The following PLRG1 variants were observed in gnomAD, a reference collection of about 807,000 sequenced individuals.
PLRG1 encodes pleiotropic regulator 1 (PRL1 homolog, Arabidopsis).
PLRG1 carries 28 observed loss-of-function variants against 74.9 expected under a neutral mutation model. The observed-to-expected ratio is 0.37, with a 90% CI of 0.28 to 0.51. The LOEUF (loss-of-function observed/expected upper bound fraction) is 0.51, where lower values mean the gene tolerates loss of function less well. Among genes scored for constraint, PLRG1 ranks in the 20% least tolerant of loss-of-function variants. PLRG1 has a pLI of 0.91. For synonymous variants in PLRG1, 197 were observed against 212.4 expected, an observed-to-expected ratio of 0.93 and a Z score of 0.63; for missense variants, 445 against 631.9, an observed-to-expected ratio of 0.70 and a Z score of 3.17.
chr4:154,542,369 A>G (rs1729570061), intron 7 of PLRG1, 90 bp from the exon 8 acceptor site: 2 of 725,046 alleles, frequency 2.8e-6, no homozygotes, highest in Non-Finnish European at 5.1e-6. Context: ...TTGCCCTCCC[A>G]TCTTCAAATC....
At chr4:154,549,548 G>A (rs1729720581) in intron 1 of PLRG1, 35 of 390,786 alleles carry the variant, frequency 9.0e-5, no homozygotes, top group South Asian at 6.7e-4. Context: ...TAGCTGCAAG[G>A]GTAGACAAGG....
intron 4 of PLRG1, 164 bp downstream of exon 4, chr4:154,546,847 T>A: frequency 1.6e-6 from 1 of 612,842 alleles, no homozygotes; most frequent in South Asian, 2.1e-5. Context: ...GTTTGCTGAA[T>A]GAAGGCATAT....
At chr4:154,537,932 C>A (rs557656265) in intron 13 of PLRG1, 37 bp downstream of exon 13, 2 of 1,196,170 alleles carry the variant, frequency 1.7e-6, no homozygotes, top group African/African-American at 1.5e-5. Context: ...GAAAAAATAA[C>A]AGACTAAACA....
chr4:154,536,825 G>A (rs1729461586), intron 14 of PLRG1, 81 bp from the exon 15 acceptor site: 1 of 752,972 alleles, frequency 1.3e-6, no homozygotes, highest in African/African-American at 1.8e-5. Flanking sequence ...ACAAAAATAA[G>A]GTATCTAACA....
chr4:154,548,536 A>G (rs1729699463), intron 2 of PLRG1, among the ~76,000 whole-genome samples: 2 of 152,308 alleles, frequency 1.3e-5, no homozygotes, highest in East Asian at 3.9e-4. Flanking sequence ...CAAGGCTCTG[A>G]GAGCAGCGGG....
Position 154,536,359 on chromosome 4 carries a change from C to T in PLRG1, c.*326G>A, listed in dbSNP as rs115646453. The T allele has an allele frequency of 2.0e-3, 370 of 180,784 alleles. 3 individuals carry two copies. Among genetic ancestry groups the T allele is most frequent in the African/African-American group, 8.3e-3 (354 of 42,640 alleles). The allele number at this position is 180,784 out of a possible 1,614,324, so 11.2% of individuals were successfully genotyped here. A position where few individuals can be genotyped will look rare whatever the true frequency, so the allele number is the denominator to read the frequency against. On this transcript the variant is annotated 3_prime_UTR_variant, in exon 15 of 15. Coordinates refer to ENST00000499023, the MANE Select transcript of PLRG1 (RefSeq NM_002669.4). Reference sequence around the variant, plus strand: ...CTGCTCCTTCAAATGTCCTAATTATCGGTTTCATACATTTTTTTTAAAAAA... The same window carrying T: ...CTGCTCCTTCAAATGTCCTAATTATTGGTTTCATACATTTTTTTTAAAAAA...
chr4:154,550,237 G>C, intron 1 of PLRG1, 63 bp downstream of exon 1: 1 of 1,420,088 alleles, frequency 7.0e-7, no homozygotes, highest in Non-Finnish European at 1.0e-6. Flanking sequence ...AATCCCCCAC[G>C]CGCACTGCCA....
Position 154,538,059 on chromosome 4 carries a change from G to T in PLRG1, c.1201C>A (p.Pro401Thr). The change falls in exon 13 of 15, where the codon CCT becomes ACT. Residue 401 changes from proline to threonine, a missense_variant. This residue lies in a region of PLRG1 where 221 missense variants were observed against 377.7 expected (regional missense o/e 0.59). Coordinates refer to ENST00000499023, the MANE Select transcript of PLRG1 (RefSeq NM_002669.4). ...SPDNIKQWKF[P>T]DGSFIQNLSG... Reference sequence around the variant, plus strand: ...AGATTTTGAATGAAACTTCCATCAGGGAATTTCCACTGCTTTATGTTATCT... The same window carrying T: ...AGATTTTGAATGAAACTTCCATCAGTGAATTTCCACTGCTTTATGTTATCT... 1 of 1,529,410 alleles carries T rather than the reference G, an allele frequency of 6.5e-7. No individual in the cohort carries two copies. Among genetic ancestry groups the T allele is most frequent in the South Asian group, 1.2e-5 (1 of 81,452 alleles). The allele number at this position is 1,529,410 out of a possible 1,614,324, so 94.7% of individuals were successfully genotyped here. A position where few individuals can be genotyped will look rare whatever the true frequency, so the allele number is the denominator to read the frequency against.
intron 3 of PLRG1, 72 bp from the exon 4 acceptor site, chr4:154,547,136 T>C (rs1729673131): frequency 9.3e-7 from 1 of 1,070,512 alleles, no homozygotes. Flanking sequence ...TTTAAATGTA[T>C]CAAGTAATAT....
chr4:154,540,766 T>C lies in PLRG1; in HGVS notation c.837+19A>G, dbSNP rs1478058373. On this transcript the variant is annotated intron_variant, in intron 9 of 14. Coordinates refer to ENST00000499023, the MANE Select transcript of PLRG1 (RefSeq NM_002669.4). ...AAATAGTAGTTCACAATGTTTTAAA[T>C]CCTTAACTCCAAACTTACCTTATTG... 1.9e-6 allele frequency: 3 copies of C among 1,612,204 alleles called. No individual in the cohort carries two copies. Among genetic ancestry groups the C allele is most frequent in the African/African-American group, 1.3e-5 (1 of 74,834 alleles).
chr4:154,539,892 G>C, intron 11 of PLRG1, 59 bp downstream of exon 11: 1 of 835,396 alleles, frequency 1.2e-6, no homozygotes, highest in African/African-American at 1.7e-5. Flanking sequence ...AAAAGTATAT[G>C]TATAATAACA....
At position 154,535,284 on chromosome 4, in the gene PLRG1, G is replaced by T. The variant is rs1729425611; in HGVS notation, c.*1401C>A. 6.6e-6 allele frequency: 1 copy of T among 151,574 alleles called. No homozygotes were observed. The highest frequency in any genetic ancestry group is 2.4e-5 in the African/African-American group (1 of 41,214). 9.4% of individuals were successfully genotyped at this position (151,574 alleles called of 1,614,324 possible). ...ATACTTAGAAACAAATTGCATAAAG[G>T]TACCATCTATTAAACCAGTCCCTTA... On this transcript the variant is annotated 3_prime_UTR_variant, in exon 15 of 15. Transcript: ENST00000499023.
intron 7 of PLRG1, 27 bp downstream of exon 7, chr4:154,544,418 T>C (rs574936909): frequency 8.2e-7 from 1 of 1,215,996 alleles, no homozygotes. Flanking sequence ...ATGGTTCACA[T>C]AATAAAATAA....
chr4:154,544,167 T>C (rs575701581), intron 7 of PLRG1: 17 of 232,182 alleles, frequency 7.3e-5, no homozygotes, highest in African/African-American at 3.2e-4. Context: ...ACTAAATACT[T>C]TGAACACTTT....
chr4:154,550,359 C>T lies in PLRG1; in HGVS notation c.-51G>A, dbSNP rs745760193. On this transcript the variant is annotated 5_prime_UTR_variant, in exon 1 of 15. Transcript: ENST00000499023. ...GCAGGGAAGAAACTCTAATCACTAA[C>T]GCAGTACCCGCCGCCACAGCTGTGC... is the stretch of plus-strand genomic sequence containing the variant. The T allele has an allele frequency of 1.9e-6, 3 of 1,568,006 alleles. No individual in the cohort carries two copies. The highest frequency in any genetic ancestry group is 2.2e-5 in the East Asian group (1 of 44,682).
At chr4:154,549,251 C>T (rs774434794) in intron 1 of PLRG1, 52 of 374,994 alleles carry the variant, frequency 1.4e-4, no homozygotes, top group Non-Finnish European at 2.4e-4. Flanking sequence ...TGGTCATGGT[C>T]CCTGTGCTCA....
intron 7 of PLRG1, 105 bp downstream of exon 7, chr4:154,544,340 C>A: frequency 1.4e-6 from 1 of 711,516 alleles, no homozygotes; most frequent in South Asian, 1.7e-5. Context: ...ATCGCTCTAC[C>A]AGCTTTTCAT....
intron 1 of PLRG1, among the ~76,000 whole-genome samples, chr4:154,549,504 T>C (rs577709896): frequency 6.6e-6 from 1 of 152,328 alleles, no homozygotes; most frequent in South Asian, 2.1e-4. Context: ...AGGAGCGCAG[T>C]ACAGCTGTGT....
chr4:154,541,735 A>G (rs929640985), intron 8 of PLRG1, among the ~76,000 whole-genome samples: 3 of 152,190 alleles, frequency 2.0e-5, no homozygotes, highest in African/African-American at 7.2e-5. Flanking sequence ...ACATACTAAG[A>G]ATGATTTTTT....
Sources: gnomAD v4.1 joint callset for allele counts (sites outside exome capture counted in the v4.1 genomes callset) on GRCh38, gnomAD v4.1.1 for gene constraint, gnomAD v4.1.1 regional missense constraint, MANE v1.5 for transcripts, NCBI Gene and HGNC (gene_info 2026-07-23, HGNC 2026-07-21) for gene names.